BCL11B: variants seen among roughly 807,000 people sequenced by gnomAD.
The protein encoded by BCL11B is BCL11 transcription factor B, also known as B-cell lymphoma/leukemia 11B.
Under a neutral mutation model 49.9 loss-of-function variants are expected in BCL11B, and 8 were observed. That is an observed-to-expected ratio of 0.16 (90% CI 0.09 to 0.29). The LOEUF (loss-of-function observed/expected upper bound fraction) is 0.29. BCL11B is among the 10% of genes least tolerant of loss of function. The pLI is 1.00. For synonymous variants in BCL11B, 739 were observed against 637.4 expected, an observed-to-expected ratio of 1.16 and a Z score of -2.40; for missense variants, 1,006 against 1,351.0, an observed-to-expected ratio of 0.74 and a Z score of 4.00.
rs1889372301 is a variant in BCL11B at position 99,262,736 on chromosome 14, G to A, written c.59-4897C>T. On this transcript the variant is annotated intron_variant, in intron 1 of 3. Coordinates refer to ENST00000357195, the MANE Select transcript of BCL11B (RefSeq NM_138576.4). This position sits in a 1 kb window ranked among gnomAD's most constrained non-coding sequence, Gnocchi z 4.2. The stretch of plus-strand genomic sequence containing the variant: ...TCCTCTCCGTGAACACTTGGGGAGG[G>A]GCTGGGACTCCAGGCGACACGGAAA... Among the ~76,000 whole-genome samples, 2 of 152,130 alleles carry A rather than the reference G, an allele frequency of 1.3e-5. No homozygotes were observed. Among genetic ancestry groups the A allele is most frequent in the Admixed American group, 1.3e-4 (2 of 15,274 alleles).
intron 3 of BCL11B, among the ~76,000 whole-genome samples, chr14:99,218,740 A>T (rs1429957404): frequency 1.3e-5 from 2 of 152,080 alleles, no homozygotes; most frequent in African/African-American, 2.4e-5. Context: ...CACCTGAAAT[A>T]AGCTGTCCAC....
Position 99,271,320 on chromosome 14 carries a change from C to CGCTGCT in BCL11B, c.-103_-102insAGCAGC. 1.3e-6 allele frequency: 1 copy of CGCTGCT among 745,820 alleles called. No individual in the cohort carries two copies. The highest frequency in any genetic ancestry group is 1.8e-6 in the Non-Finnish European group (1 of 559,996). 46.2% of individuals were successfully genotyped at this position (745,820 alleles called of 1,614,324 possible). On this transcript the variant is annotated 5_prime_UTR_variant, in exon 1 of 4. Transcript: ENST00000357195. ...GCCGCGCCGCTGCCGCCGCTGCCGC[C>CGCTGCT]GCCGCCGCCGCCGCCGCACCTCCTC...
intron 3 of BCL11B, among the ~76,000 whole-genome samples, chr14:99,230,086 C>T (rs1284145995): frequency 6.6e-6 from 1 of 152,172 alleles, no homozygotes; most frequent in Non-Finnish European, 1.5e-5. Context: ...CCTATGATGT[C>T]ACCACCTGTC....
At position 99,192,269 on chromosome 14, in the gene BCL11B, A is replaced by T. The variant is rs989110358; in HGVS notation, c.641-16074T>A. On this transcript the variant is annotated intron_variant, in intron 3 of 3. Coordinates refer to ENST00000357195, the MANE Select transcript of BCL11B (RefSeq NM_138576.4). This position sits in a 1 kb window ranked among gnomAD's most constrained non-coding sequence, Gnocchi z 4.0. ...CGCACACGGTGAACCTGGCTCTCGC[A>T]TACAGTAGCACTTTCATTTTAAGCG... Among the ~76,000 whole-genome samples the T allele has an allele frequency of 6.6e-6, 1 of 152,120 alleles. No individual in the cohort carries two copies. Among genetic ancestry groups the T allele is most frequent in the Non-Finnish European group, 1.5e-5 (1 of 68,028 alleles).
At position 99,271,899 on chromosome 14, in the gene BCL11B, C is replaced by CTGTTTT. The variant is rs930474105; in HGVS notation, c.-687_-682dup. On this transcript the variant is annotated 5_prime_UTR_variant, in exon 1 of 4. Transcript: ENST00000357195. ...TGTTTCTGGGTTTTCTGCGGGCTGC[C>CTGTTTT]TGTTTTTGTTTTTGTTTTTGTTTTT... 5.9e-5 allele frequency among the ~76,000 whole-genome samples: 9 copies of CTGTTTT among 152,106 alleles called. No homozygotes were observed. The highest frequency in any genetic ancestry group is 4.1e-4 in the South Asian group (2 of 4,824).
chr14:99,260,697 T>C (rs1889310611), intron 1 of BCL11B, among the ~76,000 whole-genome samples: 1 of 152,182 alleles, frequency 6.6e-6, no homozygotes, highest in African/African-American at 2.4e-5. Flanking sequence ...TTTCCTTTTT[T>C]TGGCAGTCTC....
intron 3 of BCL11B, among the ~76,000 whole-genome samples, chr14:99,185,239 C>A (rs188836794): frequency 5.3e-5 from 8 of 152,046 alleles, no homozygotes; most frequent in African/African-American, 1.7e-4. Context: ...GAGTTGGAGA[C>A]CAGCCTGGCC....
intron 3 of BCL11B, among the ~76,000 whole-genome samples, chr14:99,215,367 T>C (rs1484758062): frequency 6.6e-6 from 1 of 152,260 alleles, no homozygotes; most frequent in Admixed American, 6.5e-5. Flanking sequence ...CAGTCTATTG[T>C]GGCCGCGGCC....
Position 99,174,196 on chromosome 14 carries a change from G to A in BCL11B, c.2640C>T (p.His880=). ...EKHMKKWHGE[H]LLTNDVKIEQ... ...CGATTTTGACGTCGTTAGTCAGCAA[G>A]TGCTCGCCGTGCCACTTTTTCATGT... Residue 880 remains histidine, a synonymous_variant, in exon 4 of 4, where the codon CAC becomes CAT. Coordinates refer to ENST00000357195, the MANE Select transcript of BCL11B (RefSeq NM_138576.4). 6.2e-7 allele frequency: 1 copy of A among 1,613,744 alleles called. No individual in the cohort carries two copies. Among genetic ancestry groups the A allele is most frequent in the East Asian group, 2.2e-5 (1 of 44,828 alleles).
chr14:99,190,685 T>C (rs1433732144), intron 3 of BCL11B, among the ~76,000 whole-genome samples: 1 of 152,162 alleles, frequency 6.6e-6, no homozygotes, highest in Non-Finnish European at 1.5e-5. Flanking sequence ...CCAAAACCAC[T>C]GGCAAATTTC....
At chr14:99,265,343 C>T (rs1889449862) in intron 1 of BCL11B, among the ~76,000 whole-genome samples, 1 of 152,116 alleles carries the variant, frequency 6.6e-6, no homozygotes, top group Admixed American at 6.5e-5. Context: ...ACATTAACCT[C>T]GAGGCCAAAG....
chr14:99,234,172 G>C (rs1443427124), intron 2 of BCL11B, among the ~76,000 whole-genome samples: 1 of 152,110 alleles, frequency 6.6e-6, no homozygotes, highest in Non-Finnish European at 1.5e-5. Flanking sequence ...GGGGTGTGAG[G>C]GGTGGCTAAT....
intron 3 of BCL11B, among the ~76,000 whole-genome samples, chr14:99,199,679 T>TGC (rs1416553945): frequency 2.6e-4 from 18 of 69,906 alleles, no homozygotes; most frequent in African/African-American, 7.5e-4. Flanking sequence ...TGTGTGTGTG[T>TGC]GTGTGCGCGC....
intron 3 of BCL11B, among the ~76,000 whole-genome samples, chr14:99,217,632 G>A (rs1257438): frequency 0.66 from 100,867 of 152,128 alleles, 33,859 homozygotes; most frequent in Admixed American, 0.73. Flanking sequence ...TCTGAGCTGA[G>A]CCAGCTGCTG....
chr14:99,197,419 A>C (rs531615526), intron 3 of BCL11B, among the ~76,000 whole-genome samples: 3 of 152,156 alleles, frequency 2.0e-5, no homozygotes, highest in East Asian at 1.9e-4. Context: ...CTGTCATTTT[A>C]TTTCTTTCTT....
chr14:99,233,784 G>C (rs1346681499), intron 2 of BCL11B, among the ~76,000 whole-genome samples: 3 of 152,192 alleles, frequency 2.0e-5, no homozygotes, highest in Non-Finnish European at 4.4e-5. Flanking sequence ...TAGGGGTCAG[G>C]GGGTAGGCCG....
rs1889702612 is a variant in BCL11B, at chr14:99,271,944, C to T, written c.-726G>A. Reference sequence around the variant, plus strand: ...GTTTTTTCTCGGAGACTGACCCTTCCGAGGCTCTGGGGGGACACCAGGAGA... The same window carrying T: ...GTTTTTTCTCGGAGACTGACCCTTCTGAGGCTCTGGGGGGACACCAGGAGA... On this transcript the variant is annotated 5_prime_UTR_variant, in exon 1 of 4. Transcript: ENST00000357195. 6.6e-6 allele frequency among the ~76,000 whole-genome samples: 1 copy of T among 151,966 alleles called. No individual in the cohort carries two copies. The highest frequency in any genetic ancestry group is 1.9e-4 in the East Asian group (1 of 5,150).
chr14:99,174,574 C>T lies in BCL11B; in HGVS notation c.2262G>A (p.Thr754=), dbSNP rs750831905. ...SSENGSLRFS[T]PPGDLLDGGL... is the part of the protein sequence containing the mutation. ...CGCCGTCCAGCAGGTCCCCGGGCGG[C>T]GTGGAGAAGCGCAGGCTGCCGTTCT... Residue 754 remains threonine, a synonymous_variant, in exon 4 of 4, where the codon ACG becomes ACA. Coordinates refer to ENST00000357195, the MANE Select transcript of BCL11B (RefSeq NM_138576.4). 180 of 1,518,770 alleles carry T rather than the reference C, an allele frequency of 1.2e-4. No homozygotes were observed. Among genetic ancestry groups the T allele is most frequent in the Non-Finnish European group, 1.5e-4 (167 of 1,136,190 alleles). The allele number at this position is 1,518,770 out of a possible 1,614,324, so 94.1% of individuals were successfully genotyped here.
intron 3 of BCL11B, among the ~76,000 whole-genome samples, chr14:99,190,819 T>G (rs1277899303): frequency 6.6e-6 from 1 of 152,190 alleles, no homozygotes; most frequent in East Asian, 1.9e-4. Context: ...GGTACAGATG[T>G]CTGACCTACC....
Sources: gnomAD v4.1 joint callset for allele counts (sites outside exome capture counted in the v4.1 genomes callset) on GRCh38, gnomAD v4.1.1 for gene constraint, Gnocchi (gnomAD v3.1) non-coding constraint, MANE v1.5 for transcripts, NCBI Gene and HGNC (gene_info 2026-07-23, HGNC 2026-07-21) for gene names.